The following EPHB1 variants were observed in gnomAD, a reference collection of about 807,000 sequenced individuals.
EPHB1 encodes ephrin type-B receptor 1.
Under a neutral mutation model 94.4 loss-of-function variants are expected in EPHB1, and 30 were observed. The ratio of observed to expected loss-of-function variants is 0.32; its 90% CI spans 0.24 to 0.43. EPHB1 has a LOEUF of 0.43. Ranked by LOEUF, EPHB1 falls within the 20% of genes least tolerant of loss-of-function variation. The pLI is 1.00. For missense variants in EPHB1, 1,055 were observed against 1,308.3 expected, an observed-to-expected ratio of 0.81 and a Z score of 2.99; for synonymous variants, 522 against 489.1, an observed-to-expected ratio of 1.07 and a Z score of -0.89.
intron 12 of EPHB1, among the ~76,000 whole-genome samples, chr3:135,237,832 G>C (rs937442974): frequency 2.0e-5 from 3 of 152,170 alleles, no homozygotes; most frequent in African/African-American, 4.8e-5. Context: ...GGGGCTCTTA[G>C]GGCACTTTAA....
intron 3 of EPHB1, among the ~76,000 whole-genome samples, chr3:134,956,770 C>A (rs186021953): frequency 2.0e-3 from 308 of 152,236 alleles, no homozygotes; most frequent in African/African-American, 7.0e-3. Flanking sequence ...CTACATATTG[C>A]TAGGTGTCAT....
At chr3:134,934,663 T>C (rs2038966583) in intron 2 of EPHB1, among the ~76,000 whole-genome samples, 1 of 149,122 alleles carries the variant, frequency 6.7e-6, no homozygotes, top group African/African-American at 2.4e-5. Context: ...CAGAAATATA[T>C]TGGATATGAC....
In EPHB1 at chr3:135,104,791, C is replaced by T. The variant is rs532799695; in HGVS notation, c.806-1657C>T. Among the ~76,000 whole-genome samples the T allele has an allele frequency of 2.2e-3, 339 of 152,312 alleles. 1 individual carries two copies. The highest frequency in any genetic ancestry group is 7.7e-3 in the African/African-American group (318 of 41,568). ...TCCAGAACATTGTGTTTTGGAGATT[C>T]CTTCCTGTCCAAAATGGCACCCCAC... is the stretch of plus-strand genomic sequence containing the variant. On this transcript the variant is annotated intron_variant, in intron 3 of 15. Transcript: ENST00000398015.
intron 3 of EPHB1, among the ~76,000 whole-genome samples, chr3:135,001,194 G>T (rs1310905057): frequency 6.6e-6 from 1 of 152,242 alleles, no homozygotes; most frequent in East Asian, 1.9e-4. Flanking sequence ...GAACAGCCAG[G>T]CGGGGGAGCC....
At chr3:135,107,638 A>G (rs191660341) in intron 4 of EPHB1, among the ~76,000 whole-genome samples, 5 of 152,258 alleles carry the variant, frequency 3.3e-5, no homozygotes, top group Admixed American at 6.5e-5. Context: ...AGAATATTTC[A>G]TTTATACTTT....
chr3:135,243,871 G>A (rs780276656), intron 13 of EPHB1, among the ~76,000 whole-genome samples: 1 of 152,182 alleles, frequency 6.6e-6, no homozygotes, highest in Non-Finnish European at 1.5e-5. Flanking sequence ...GAGTGGCAGT[G>A]TCTGTGGAGA....
intron 1 of EPHB1, among the ~76,000 whole-genome samples, chr3:134,919,805 T>G (rs369384064): frequency 6.6e-6 from 1 of 152,150 alleles, no homozygotes; most frequent in South Asian, 2.1e-4. Flanking sequence ...ATTTAATATA[T>G]CCCACTCTTG....
At chr3:135,000,654 A>G (rs1416800956) in intron 3 of EPHB1, among the ~76,000 whole-genome samples, 1 of 152,172 alleles carries the variant, frequency 6.6e-6, no homozygotes, top group Non-Finnish European at 1.5e-5. Context: ...TTGTTACAAA[A>G]ACTCTTGATG....
intron 1 of EPHB1, among the ~76,000 whole-genome samples, chr3:134,898,968 TG>T (rs773640677): frequency 1.1e-4 from 16 of 151,836 alleles, no homozygotes; most frequent in Non-Finnish European, 2.1e-4. Context: ...GGGCAGGGAG[TG>T]GGGGTGGAGG....
intron 1 of EPHB1, among the ~76,000 whole-genome samples, chr3:134,860,150 G>GACACACACACACACAGAC (rs2037217780): frequency 7.0e-5 from 10 of 142,814 alleles, no homozygotes; most frequent in Non-Finnish European, 1.2e-4. Flanking sequence ...AGAAGGAAGG[G>GACACACACACACACAGAC]ACACACACAC....
At chr3:134,862,931 G>A (rs543261172) in intron 1 of EPHB1, among the ~76,000 whole-genome samples, 1 of 152,364 alleles carries the variant, frequency 6.6e-6, no homozygotes, top group East Asian at 1.9e-4. Flanking sequence ...CTGGTGCCCA[G>A]TGGAATTTGG....
intron 3 of EPHB1, among the ~76,000 whole-genome samples, chr3:135,024,431 A>G (rs1370339067): frequency 1.3e-5 from 2 of 152,184 alleles, no homozygotes; most frequent in Non-Finnish European, 2.9e-5. Context: ...GTTCCAACTA[A>G]TCTGCTAAAG....
At chr3:135,039,845 C>G (rs1326005106) in intron 3 of EPHB1, among the ~76,000 whole-genome samples, 1 of 152,236 alleles carries the variant, frequency 6.6e-6, no homozygotes, top group Non-Finnish European at 1.5e-5. Flanking sequence ...CAGCCTTGGC[C>G]AGCCCAGAAA....
intron 3 of EPHB1, among the ~76,000 whole-genome samples, chr3:135,033,029 A>G (rs1312848149): frequency 6.6e-6 from 1 of 152,220 alleles, no homozygotes; most frequent in African/African-American, 2.4e-5. Flanking sequence ...AGCAGCAAAG[A>G]GAAACATGTT....
intron 1 of EPHB1, among the ~76,000 whole-genome samples, chr3:134,844,899 G>T (rs138322497): frequency 6.6e-6 from 1 of 152,106 alleles, no homozygotes; most frequent in African/African-American, 2.4e-5. Flanking sequence ...TTGATGTGAC[G>T]GACTTTTCCT....
chr3:134,988,979 C>G (rs909809463), intron 3 of EPHB1, among the ~76,000 whole-genome samples: 1 of 152,296 alleles, frequency 6.6e-6, no homozygotes, highest in Middle Eastern at 3.4e-3. Context: ...TTGAGATGTG[C>G]TGACCTAAGC....
intron 1 of EPHB1, among the ~76,000 whole-genome samples, chr3:134,897,135 A>G (rs2038101920): frequency 6.6e-6 from 1 of 152,220 alleles, no homozygotes; most frequent in African/African-American, 2.4e-5. Flanking sequence ...CCAGCCCTCT[A>G]CCATATTTAT....
intron 1 of EPHB1, among the ~76,000 whole-genome samples, chr3:134,883,265 CAT>C (rs983735319): frequency 4.6e-5 from 7 of 152,220 alleles, no homozygotes; most frequent in African/African-American, 1.7e-4. Flanking sequence ...CATATCCAAA[CAT>C]AACATGAAGA....
chr3:135,108,861 A>C (rs1939328105), intron 4 of EPHB1, among the ~76,000 whole-genome samples: 1 of 152,152 alleles, frequency 6.6e-6, no homozygotes, highest in African/African-American at 2.4e-5. Flanking sequence ...GCAGGTGACA[A>C]GTGACTCCTC....
Sources: gnomAD v4.1 joint callset for allele counts (sites outside exome capture counted in the v4.1 genomes callset) on GRCh38, gnomAD v4.1.1 for gene constraint, MANE v1.5 for transcripts, NCBI Gene and HGNC (gene_info 2026-07-23, HGNC 2026-07-21) for gene names.